The following ZNF736 variants were observed in gnomAD, a reference collection of about 807,000 sequenced individuals.
ZNF736 encodes KRAB-containing zinc-finger repressor protein.
A neutral mutation model predicts 11.7 loss-of-function variants in ZNF736; 6 were observed. The ratio of observed to expected loss-of-function variants is 0.51; its 90% CI spans 0.28 to 1.01. The LOEUF is 1.01. Ranked by LOEUF, ZNF736 falls within the 50% of genes least tolerant of loss-of-function variation. The pLI is 0.09. For missense variants in ZNF736, 444 were observed against 496.0 expected (o/e 0.90, Z 1.00); for synonymous variants, 139 against 164.7 (o/e 0.84, Z 1.19).
At chr7:64,323,368 G>A (rs1463037265) in intron 1 of ZNF736, among the ~76,000 whole-genome samples, 5 of 152,016 alleles carry the variant, frequency 3.3e-5, no homozygotes, top group South Asian at 2.1e-4. Flanking sequence ...AATAGGTTCT[G>A]TGCTCTCAAA....
intron 3 of ZNF736, among the ~76,000 whole-genome samples, chr7:64,339,989 G>T (rs1562674511): frequency 6.6e-6 from 1 of 152,172 alleles, no homozygotes; most frequent in Non-Finnish European, 1.5e-5. Context: ...TTCTTGGTCT[G>T]TTGTGGAGTT....
Position 64,319,488 on chromosome 7 carries a change from CCTTTTT to C in ZNF736, c.3+5336_3+5341del, listed in dbSNP as rs1193157375. 1.4e-3 allele frequency among the ~76,000 whole-genome samples: 103 copies of C among 75,264 alleles called. 4 individuals carry two copies. Among genetic ancestry groups the C allele is most frequent in the Non-Finnish European group, 2.0e-3 (81 of 41,250 alleles). The allele number at this position is 75,264 out of a possible 152,430, so 49.4% of individuals were successfully genotyped here. A position where few individuals can be genotyped will look rare whatever the true frequency, so the allele number is the denominator to read the frequency against. On this transcript the variant is annotated intron_variant, in intron 1 of 3. Transcript: ENST00000423484. ...CCAGGTAAATAGAAAACATTTCTTC[CCTTTTT>C]TTTTTTTTTTTTTTTTTTTGAGACA...
Position 64,332,218 on chromosome 7 carries a change from G to A in ZNF736, c.4-4041G>A, listed in dbSNP as rs75416990. Among the ~76,000 whole-genome samples the A allele has an allele frequency of 3.8e-3, 574 of 152,156 alleles. 3 individuals carry two copies. The highest frequency in any genetic ancestry group is 0.012 in the African/African-American group (502 of 41,496). On this transcript the variant is annotated intron_variant, in intron 1 of 3. Coordinates refer to ENST00000423484, the MANE Select transcript of ZNF736 (RefSeq NM_001170905.3). The stretch of plus-strand genomic sequence containing the variant: ...TGCAAATGTTTACTTCTCTACTGTC[G>A]GGGAACCTGCCCCCAGTCTTTCTAT...
chr7:64,344,950 C>A (rs142974481), intron 3 of ZNF736, among the ~76,000 whole-genome samples: 3 of 149,384 alleles, frequency 2.0e-5, no homozygotes, highest in African/African-American at 7.3e-5. Flanking sequence ...TTTCATGTTA[C>A]CTTGAGATCT....
chr7:64,332,146 C>A (rs1388311900), intron 1 of ZNF736, among the ~76,000 whole-genome samples: 1 of 152,148 alleles, frequency 6.6e-6, no homozygotes, highest in Non-Finnish European at 1.5e-5. Flanking sequence ...TGTCTCAGGT[C>A]AGAGACTGTC....
intron 3 of ZNF736, among the ~76,000 whole-genome samples, chr7:64,345,885 T>C (rs1022364937): frequency 2.0e-5 from 3 of 152,230 alleles, no homozygotes; most frequent in Non-Finnish European, 2.9e-5. Context: ...AAGACTTGTT[T>C]TGTGGTGTCA....
At position 64,351,862 on chromosome 7, in the gene ZNF736, G is replaced by T. The variant is rs1482215077; in HGVS notation, c.*2715G>T. On this transcript the variant is annotated 3_prime_UTR_variant, in exon 4 of 4. Coordinates refer to ENST00000423484, the MANE Select transcript of ZNF736 (RefSeq NM_001170905.3). ...ATCTTTACTTTTGGCCAAGTTAGGGGTTTACTGTCTGCTGAGGAGCAGTGG... is the reference window on the plus strand; with the variant it reads ...ATCTTTACTTTTGGCCAAGTTAGGGTTTTACTGTCTGCTGAGGAGCAGTGG... The T allele has an allele frequency of 6.6e-6, 1 of 152,272 alleles. No homozygotes were observed. The allele number at this position is 152,272 out of a possible 1,614,324, so 9.4% of individuals were successfully genotyped here.
Position 64,323,555 on chromosome 7 carries a change from G to C in ZNF736, c.3+9402G>C, listed in dbSNP as rs1262614576. Among the ~76,000 whole-genome samples the C allele has an allele frequency of 3.3e-5, 5 of 152,254 alleles. No homozygotes were observed. The East Asian group carries it at 9.6e-4, about 29-fold the overall frequency. On this transcript the variant is annotated intron_variant, in intron 1 of 3. Coordinates refer to ENST00000423484, the MANE Select transcript of ZNF736 (RefSeq NM_001170905.3). ...GTATATACCATGGAATACTATGCAG[G>C]CATAAGAAGGAAAAAGATCATGTCC...
Position 64,355,379 on chromosome 7 carries a change from C to CTTTTTTTTTTTTTTTTTTT in ZNF736, c.*6245_*6246insTTTTTTTTTTTTTTTTTTT, listed in dbSNP as rs201484182. On this transcript the variant is annotated 3_prime_UTR_variant, in exon 4 of 4. Transcript: ENST00000423484. ...ATTTCAAGTAGATTTAATTCTAGATCTTTTTTTTTTTTTCTTTTTTTGAGA... is the reference window on the plus strand; with the variant it reads ...ATTTCAAGTAGATTTAATTCTAGATCTTTTTTTTTTTTTTTTTTTTTTTTTTTTTTTTCTTTTTTTGAGA... The CTTTTTTTTTTTTTTTTTTT allele has an allele frequency of 6.8e-6, 1 of 147,064 alleles. No individual in the cohort carries two copies. 9.1% of individuals were successfully genotyped at this position (147,064 alleles called of 1,614,324 possible). A position where few individuals can be genotyped will look rare whatever the true frequency, so the allele number is the denominator to read the frequency against.
chr7:64,320,089 T>C (rs996709515), intron 1 of ZNF736, among the ~76,000 whole-genome samples: 1 of 152,184 alleles, frequency 6.6e-6, no homozygotes, highest in Non-Finnish European at 1.5e-5. Context: ...CCTGAACTAG[T>C]GACTAAAAAC....
chr7:64,332,633 C>T (rs1453906781), intron 1 of ZNF736, among the ~76,000 whole-genome samples: 1 of 152,116 alleles, frequency 6.6e-6, no homozygotes, highest in African/African-American at 2.4e-5. Context: ...TTTCCCCACC[C>T]TAGTAAGCCT....
Position 64,336,928 on chromosome 7 carries a change from C to T in ZNF736, c.172C>T (p.Gln58Ter), listed in dbSNP as rs1487616611. Residue 58 changes from glutamine to a stop codon, truncating the protein, a stop_gained, in exon 3 of 4, where the codon CAA becomes TAA. Transcript: ENST00000423484. LOFTEE classifies it high-confidence loss of function. ...GCCAGACTTGATGACCTGTCTGGAG[C>T]AAAGAAAAGAGCCTTGGAAAGTGAA... ...FKPDLMTCLE[Q>*]RKEPWKVKRQ... 1 of 1,604,042 alleles carries T rather than the reference C, an allele frequency of 6.2e-7. No homozygotes were observed. Among genetic ancestry groups the T allele is most frequent in the Non-Finnish European group, 8.5e-7 (1 of 1,175,060 alleles).
At chr7:64,322,779 T>C (rs543522275) in intron 1 of ZNF736, among the ~76,000 whole-genome samples, 1 of 152,324 alleles carries the variant, frequency 6.6e-6, no homozygotes, top group South Asian at 2.1e-4. Flanking sequence ...TTAAAATATT[T>C]ATTAGTGTAA....
chr7:64,347,716 A>G (rs1392689157), intron 3 of ZNF736, among the ~76,000 whole-genome samples: 5 of 152,196 alleles, frequency 3.3e-5, no homozygotes, highest in Admixed American at 2.6e-4. Flanking sequence ...TAAGGTCTCA[A>G]TAAGCCAGAA....
chr7:64,327,884 A>G (rs1789103900), intron 1 of ZNF736, among the ~76,000 whole-genome samples: 1 of 152,172 alleles, frequency 6.6e-6, no homozygotes, highest in Non-Finnish European at 1.5e-5. Flanking sequence ...GTTTGTATTT[A>G]TATCTTATAC....
chr7:64,319,657 G>A, intron 1 of ZNF736, among the ~76,000 whole-genome samples: 1 of 150,680 alleles, frequency 6.6e-6, no homozygotes, highest in Non-Finnish European at 1.5e-5. Context: ...CACCACGCCT[G>A]GCTAATTTTT....
chr7:64,316,341 A>G (rs1788917941), intron 1 of ZNF736, among the ~76,000 whole-genome samples: 1 of 152,240 alleles, frequency 6.6e-6, no homozygotes, highest in Non-Finnish European at 1.5e-5. Context: ...TCTTGCAGAC[A>G]CATTGGTGGT....
intron 1 of ZNF736, among the ~76,000 whole-genome samples, chr7:64,335,057 A>G (rs1366042113): frequency 3.3e-5 from 5 of 152,098 alleles, no homozygotes; most frequent in African/African-American, 7.2e-5. Flanking sequence ...AAAACCAAAC[A>G]CCGCATGTTC....
chr7:64,331,990 G>A (rs1003056634), intron 1 of ZNF736, among the ~76,000 whole-genome samples: 1 of 152,168 alleles, frequency 6.6e-6, no homozygotes, highest in African/African-American at 2.4e-5. Flanking sequence ...CTGCCTGTGG[G>A]TGTGGTGGTT....
Sources: gnomAD v4.1 joint callset for allele counts (sites outside exome capture counted in the v4.1 genomes callset) on GRCh38, gnomAD v4.1.1 for gene constraint, MANE v1.5 for transcripts, NCBI Gene and HGNC (gene_info 2026-07-23, HGNC 2026-07-21) for gene names.